Variants in PDE10A observed in about 807,000 individuals in gnomAD.
PDE10A encodes the protein cAMP and cAMP-inhibited cGMP 3',5'-cyclic phosphodiesterase 10A.
In PDE10A, 39 loss-of-function variants were observed where a neutral mutation model predicts 97.7. That is an observed-to-expected ratio of 0.40 (90% CI 0.31 to 0.52). The LOEUF is 0.52. Ranked by LOEUF, PDE10A falls within the 20% of genes least tolerant of loss-of-function variation. PDE10A has a pLI of 0.56. For missense variants in PDE10A, 731 were observed against 1,047.8 expected (o/e 0.70, Z 4.17); for synonymous variants, 371 against 376.8 (o/e 0.98, Z 0.18).
intron 1 of PDE10A, among the ~76,000 whole-genome samples, chr6:165,554,677 A>G (rs1041157455): frequency 1.3e-5 from 2 of 152,182 alleles, no homozygotes; most frequent in African/African-American, 4.8e-5. Flanking sequence ...TACCCAAAAG[A>G]AAGGAAATCA....
intron 1 of PDE10A, chr6:165,780,222 T>C (rs1216241545): frequency 6.6e-6 from 1 of 152,210 alleles, no homozygotes; most frequent in Non-Finnish European, 1.5e-5. Flanking sequence ...AAAAATGCAA[T>C]AAAACAGAAT....
chr6:165,479,470 G>A (rs879261121), intron 3 of PDE10A, among the ~76,000 whole-genome samples: 3 of 152,112 alleles, frequency 2.0e-5, no homozygotes, highest in African/African-American at 7.2e-5. Flanking sequence ...TCAGATTCCC[G>A]CTCAAATTTC....
At chr6:165,470,663 C>T (rs781615318) in intron 3 of PDE10A, among the ~76,000 whole-genome samples, 2 of 152,080 alleles carry the variant, frequency 1.3e-5, no homozygotes, top group African/African-American at 4.8e-5. Context: ...AATTAGAAAA[C>T]CTCTTTTCAA....
rs1562809929 is a variant in PDE10A at position 165,943,268 on chromosome 6, AAGGAAG to A, written c.-615+44255_-615+44260del. 7.2e-3 allele frequency among the ~76,000 whole-genome samples: 901 copies of A among 125,142 alleles called. 88 individuals carry two copies. Among genetic ancestry groups the A allele is most frequent in the Non-Finnish European group, 8.1e-3 (488 of 60,094 alleles). The allele number at this position is 125,142 out of a possible 152,430, so 82.1% of individuals were successfully genotyped here. On this transcript the variant is annotated intron_variant, in intron 1 of 19. Transcript: ENST00000366882. ...GAAGGAAGGAAGGAAGGAAGGAAGG[AAGGAAG>A]GAAAGAAAGAAAGAAAGAAGGAAAG...
chr6:165,353,096 C>T (rs144612527), intron 18 of PDE10A, among the ~76,000 whole-genome samples: 44 of 152,168 alleles, frequency 2.9e-4, no homozygotes, highest in Non-Finnish European at 5.6e-4. Flanking sequence ...AAAGATGGTC[C>T]ACATCATATG....
At chr6:165,600,359 T>C (rs1786871474) in intron 1 of PDE10A, among the ~76,000 whole-genome samples, 1 of 152,218 alleles carries the variant, frequency 6.6e-6, no homozygotes, top group Non-Finnish European at 1.5e-5. Flanking sequence ...ATGAGTTCTC[T>C]GTAAAGTCAG....
chr6:165,672,946 T>C (rs1455338652), intron 1 of PDE10A, among the ~76,000 whole-genome samples: 2 of 152,230 alleles, frequency 1.3e-5, no homozygotes, highest in African/African-American at 2.4e-5. Context: ...AGCAATTCAC[T>C]GTGACTGAGT....
chr6:165,921,352 A>T (rs1782747146), intron 1 of PDE10A, among the ~76,000 whole-genome samples: 1 of 152,230 alleles, frequency 6.6e-6, no homozygotes, highest in Non-Finnish European at 1.5e-5. Flanking sequence ...GCAAATATTT[A>T]TCAAATACAT....
At chr6:165,800,868 C>T (rs1211176845) in intron 1 of PDE10A, among the ~76,000 whole-genome samples, 4 of 152,198 alleles carry the variant, frequency 2.6e-5, no homozygotes, top group Admixed American at 1.3e-4. Flanking sequence ...ACGGAGGAGA[C>T]ACTATTGCTC....
chr6:165,346,481 C>A (rs1583079204), intron 18 of PDE10A, among the ~76,000 whole-genome samples: 1 of 152,178 alleles, frequency 6.6e-6, no homozygotes, highest in South Asian at 2.1e-4. Context: ...AGATAAAGAG[C>A]ACAGGCTCTA....
intron 1 of PDE10A, among the ~76,000 whole-genome samples, chr6:165,820,321 A>G (rs1779533951): frequency 6.6e-6 from 1 of 152,218 alleles, no homozygotes; most frequent in South Asian, 2.1e-4. Flanking sequence ...CCTAAGGAAA[A>G]GAAGAATAGG....
At chr6:165,546,360 T>C (rs906672587) in intron 1 of PDE10A, among the ~76,000 whole-genome samples, 2 of 152,028 alleles carry the variant, frequency 1.3e-5, no homozygotes, top group Non-Finnish European at 2.9e-5. Flanking sequence ...ACACTATGAA[T>C]TTGCCAAAAA....
At chr6:165,900,662 G>C (rs78953978) in intron 1 of PDE10A, among the ~76,000 whole-genome samples, 7,971 of 152,198 alleles carry the variant, frequency 0.052, 294 homozygotes, top group Middle Eastern at 0.13. Flanking sequence ...TCCAAACCCA[G>C]TGAGTATTGG....
At chr6:165,888,149 C>T (rs1781680206) in intron 1 of PDE10A, among the ~76,000 whole-genome samples, 2 of 152,184 alleles carry the variant, frequency 1.3e-5, no homozygotes, top group South Asian at 4.1e-4. Flanking sequence ...CTTACTTTTT[C>T]AAAGAGGTTA....
intron 1 of PDE10A, among the ~76,000 whole-genome samples, chr6:165,918,831 CT>C (rs1418093239): frequency 1.3e-5 from 2 of 152,236 alleles, no homozygotes; most frequent in Non-Finnish European, 2.9e-5. Context: ...GAAGTTAATA[CT>C]ACTAGTGAAT....
At chr6:165,534,206 T>A (rs958021985) in intron 2 of PDE10A, among the ~76,000 whole-genome samples, 1 of 151,122 alleles carries the variant, frequency 6.6e-6, no homozygotes, top group African/African-American at 2.4e-5. Flanking sequence ...ACAGAAAAAT[T>A]CCTAGACACA....
intron 1 of PDE10A, among the ~76,000 whole-genome samples, chr6:165,753,335 C>T (rs1428519714): frequency 2.6e-5 from 4 of 152,126 alleles, no homozygotes; most frequent in Admixed American, 6.5e-5. Flanking sequence ...CAATGATCCC[C>T]GTATGTACGT....
intron 2 of PDE10A, among the ~76,000 whole-genome samples, chr6:165,515,347 G>A (rs1781730731): frequency 6.6e-6 from 1 of 151,840 alleles, no homozygotes; most frequent in African/African-American, 2.4e-5. Flanking sequence ...TGTAATCTCT[G>A]CAATGTCATT....
rs139340511 is a variant in PDE10A, at chr6:165,752,023, G to A, written c.-614-208455C>T. On this transcript the variant is annotated intron_variant, in intron 1 of 19. Coordinates refer to the PDE10A transcript ENST00000366882. ...CCAGGCATGGTGACGGGCACCTATA[G>A]TCCCAGCTACTCAGGAGGCTGAGGC... Among the ~76,000 whole-genome samples, 342 of 149,518 alleles carry A rather than the reference G, an allele frequency of 2.3e-3. 4 individuals carry two copies. In the Middle Eastern group the frequency reaches 0.049, roughly 21 times the overall value.
Sources: allele counts gnomAD v4.1 joint callset (sites outside exome capture counted in the v4.1 genomes callset), GRCh38; gene constraint gnomAD v4.1.1; transcripts MANE v1.5; gene names NCBI Gene and HGNC (gene_info 2026-07-23, HGNC 2026-07-21).